ATRN: variants seen among roughly 807,000 people sequenced by gnomAD.
The protein encoded by ATRN is attractin, also known as attractin-2.
Under a neutral mutation model 178.7 loss-of-function variants are expected in ATRN, and 54 were observed. The observed-to-expected ratio is 0.30, with a 90% CI of 0.24 to 0.38. The LOEUF (loss-of-function observed/expected upper bound fraction) is 0.38, where lower values mean the gene tolerates loss of function less well. ATRN is among the 10% of genes least tolerant of loss of function. The probability of loss-of-function intolerance (pLI) is 1.00; values close to 1 mark genes in which losing one functional copy is unlikely to be tolerated. For missense variants in ATRN, 1,443 were observed against 1,815.1 expected, an observed-to-expected ratio of 0.79 and a Z score of 3.73; for synonymous variants, 636 against 663.0, an observed-to-expected ratio of 0.96 and a Z score of 0.63.
At chr20:3,616,345 G>A (rs544379012) in intron 24 of ATRN, among the ~76,000 whole-genome samples, 1 of 152,304 alleles carries the variant, frequency 6.6e-6, no homozygotes, top group South Asian at 2.1e-4. Context: ...AGCTGTGAGT[G>A]GACAGCAGGC....
chr20:3,561,562 G>C (rs1423284788), intron 8 of ATRN, among the ~76,000 whole-genome samples: 3 of 152,150 alleles, frequency 2.0e-5, no homozygotes, highest in Non-Finnish European at 4.4e-5. Context: ...GTTTAGTGGA[G>C]TATGATTTAC....
At chr20:3,548,600 CAAAAAAA>C (rs58357636) in intron 5 of ATRN, among the ~76,000 whole-genome samples, 7 of 114,364 alleles carry the variant, frequency 6.1e-5, no homozygotes, top group Admixed American at 4.5e-4. Flanking sequence ...GACTCCATCT[CAAAAAAA>C]AAAAAAAAAA....
rs1033026203 is a variant in ATRN, at chr20:3,601,705, A to C, written c.3643+681A>C. 2.3e-3 allele frequency among the ~76,000 whole-genome samples: 349 copies of C among 150,928 alleles called. 1 individual carries two copies. Among genetic ancestry groups the C allele is most frequent in the African/African-American group, 8.1e-3 (335 of 41,158 alleles). ...TAGTGAGACCCTGTCTACAAAAAAAAAAAAAAAAAAAACCCAGGTGTAGTG... is the reference window on the plus strand; with the variant it reads ...TAGTGAGACCCTGTCTACAAAAAAACAAAAAAAAAAAACCCAGGTGTAGTG... On this transcript the variant is annotated intron_variant, in intron 23 of 28. Transcript: ENST00000262919.
At chr20:3,640,318 C>T (rs559473186) in intron 27 of ATRN, among the ~76,000 whole-genome samples, 1 of 152,210 alleles carries the variant, frequency 6.6e-6, no homozygotes, top group South Asian at 2.1e-4. Flanking sequence ...CAGAATGCAG[C>T]TCAGAGAGAC....
chr20:3,584,063 A>G lies in ATRN; in HGVS notation c.2930A>G (p.Tyr977Cys), dbSNP rs780239295. 1.9e-6 allele frequency: 3 copies of G among 1,613,970 alleles called. No homozygotes were observed. Among genetic ancestry groups the G allele is most frequent in the African/African-American group, 2.7e-5 (2 of 74,912 alleles). The change falls in exon 17 of 29, where the codon TAT becomes TGT. Residue 977 changes from tyrosine to cysteine, a missense_variant. Tyr to Cys is a radical substitution (Grantham distance 194). Coordinates refer to ENST00000262919, the MANE Select transcript of ATRN (RefSeq NM_139321.3). ...SFPFGQCMEW[Y>C]TMSTCPPENC... ...CCTTTTGGCCAGTGTATGGAATGGTATACGATGAGCACCTGCCCCCGTAAG... is the reference window on the plus strand; with the variant it reads ...CCTTTTGGCCAGTGTATGGAATGGTGTACGATGAGCACCTGCCCCCGTAAG...
intron 25 of ATRN, among the ~76,000 whole-genome samples, chr20:3,626,252 G>A (rs2086938550): frequency 2.1e-5 from 3 of 139,904 alleles, no homozygotes; most frequent in African/African-American, 8.1e-5. Flanking sequence ...AAAAAAAAAA[G>A]TCTGACTACA....
rs1412267379 is a variant in ATRN at position 3,645,494 on chromosome 20, C to G, written c.4165+1226C>G. ...CACCGCCCAGCCCAGCAAACAGTGG[C>G]TGGTGTGCCCTGAGGGCAGGGTGGC... is the stretch of plus-strand genomic sequence containing the variant. On this transcript the variant is annotated intron_variant, in intron 28 of 28. Coordinates refer to ENST00000262919, the MANE Select transcript of ATRN (RefSeq NM_139321.3). The surrounding 1 kb of genome is among the most constrained non-coding windows in gnomAD (Gnocchi z 4.7). Among the ~76,000 whole-genome samples the G allele has an allele frequency of 6.6e-6, 1 of 152,234 alleles. No individual in the cohort carries two copies. The highest frequency in any genetic ancestry group is 1.5e-5 in the Non-Finnish European group (1 of 68,026).
In ATRN at chr20:3,613,924, A is replaced by C. The variant is rs186925412; in HGVS notation, c.3801+9662A>C. On this transcript the variant is annotated intron_variant, in intron 24 of 28. Coordinates refer to ENST00000262919, the MANE Select transcript of ATRN (RefSeq NM_139321.3). ...AGTAACTGAGGAAATCTAATTCTCT[A>C]GTTGGAAATTTGTGTAAGCATTGGG... Among the ~76,000 whole-genome samples the C allele has an allele frequency of 1.8e-3, 277 of 152,278 alleles. 3 individuals carry two copies. Among genetic ancestry groups the C allele is most frequent in the Non-Finnish European group, 2.6e-4 (18 of 68,030 alleles).
At chr20:3,475,065 G>T (rs560328058) in intron 1 of ATRN, among the ~76,000 whole-genome samples, 14 of 150,490 alleles carry the variant, frequency 9.3e-5, no homozygotes, top group African/African-American at 3.2e-4. Flanking sequence ...TTTAGTCCAA[G>T]TATTCTTTTG....
At chr20:3,581,994 T>G in intron 15 of ATRN, 141 bp from the exon 16 acceptor site, 2 of 709,202 alleles carry the variant, frequency 2.8e-6, no homozygotes, top group Non-Finnish European at 4.7e-6. Context: ...AATCTCAACA[T>G]TTTGGGAGGC....
At chr20:3,495,567 G>T (rs2084866923) in intron 1 of ATRN, among the ~76,000 whole-genome samples, 1 of 152,028 alleles carries the variant, frequency 6.6e-6, no homozygotes, top group Non-Finnish European at 1.5e-5. Flanking sequence ...TAGCGATTTG[G>T]TCATCACAGT....
chr20:3,515,619 G>A (rs944451885), intron 1 of ATRN, among the ~76,000 whole-genome samples: 2 of 152,184 alleles, frequency 1.3e-5, no homozygotes, highest in African/African-American at 4.8e-5. Context: ...TTTGGTGAGA[G>A]CATTGAGTCA....
chr20:3,502,186 A>C (rs1038634584), intron 1 of ATRN, among the ~76,000 whole-genome samples: 6 of 152,150 alleles, frequency 3.9e-5, no homozygotes, highest in African/African-American at 1.4e-4. Context: ...AATTCAATTA[A>C]AAAAAGACCT....
intron 13 of ATRN, 36 bp downstream of exon 13, chr20:3,575,984 C>A: frequency 6.2e-7 from 1 of 1,606,366 alleles, no homozygotes; most frequent in Non-Finnish European, 8.5e-7. Context: ...CAGAAAAATC[C>A]CAATTTGTCA....
chr20:3,575,023 T>C (rs2086185791), intron 12 of ATRN, among the ~76,000 whole-genome samples: 1 of 151,544 alleles, frequency 6.6e-6, no homozygotes, highest in Non-Finnish European at 1.5e-5. Context: ...AGTGGCGCAA[T>C]TTCAGCTCAC....
intron 1 of ATRN, among the ~76,000 whole-genome samples, chr20:3,522,598 T>C (rs2085310490): frequency 6.6e-6 from 1 of 152,208 alleles, no homozygotes; most frequent in Non-Finnish European, 1.5e-5. Context: ...AGTGGGTCCC[T>C]GACCCCCGTG....
Position 3,604,147 on chromosome 20 carries a change from CCAA to C in ATRN, c.3689_3691del (p.Asn1230del). 6.2e-7 allele frequency: 1 copy of C among 1,602,238 alleles called. No individual in the cohort carries two copies. The highest frequency in any genetic ancestry group is 1.8e-5 in the Admixed American group (1 of 56,546). On this transcript the variant is annotated inframe_deletion, in exon 24 of 29. Transcript: ENST00000262919. Reference sequence around the variant, plus strand: ...GAAGAGATGCCTGTTGTTTCAAAAACCAACATTAAGGAGTACAAAGATAGTTTC... The same window carrying C: ...GAAGAGATGCCTGTTGTTTCAAAAACCATTAAGGAGTACAAAGATAGTTTC...
intron 18 of ATRN, among the ~76,000 whole-genome samples, chr20:3,585,300 A>G (rs1470996204): frequency 3.9e-5 from 6 of 152,230 alleles, no homozygotes; most frequent in Non-Finnish European, 8.8e-5. Context: ...AAAAGGGCAG[A>G]GACAGACTGG....
intron 3 of ATRN, 33 bp from the exon 4 acceptor site, chr20:3,545,729 C>G (rs1332636933): frequency 1.9e-6 from 3 of 1,607,908 alleles, no homozygotes; most frequent in East Asian, 4.5e-5. Context: ...TGTGCTTGTG[C>G]TTCCCTCTAT....
Sources: allele counts gnomAD v4.1 joint callset (sites outside exome capture counted in the v4.1 genomes callset), GRCh38; gene constraint gnomAD v4.1.1; non-coding constraint Gnocchi (gnomAD v3.1); transcripts MANE v1.5; gene names NCBI Gene and HGNC (gene_info 2026-07-23, HGNC 2026-07-21).